The following ZEB1 variants were observed in gnomAD, a reference collection of about 807,000 sequenced individuals.
ZEB1 encodes zinc finger E-box binding homeobox 1.
ZEB1 carries 21 observed loss-of-function variants against 84.9 expected under a neutral mutation model. The observed-to-expected ratio is 0.25, with a 90% CI of 0.18 to 0.36. The LOEUF (loss-of-function observed/expected upper bound fraction) is 0.36, where lower values mean the gene tolerates loss of function less well. Among genes scored for constraint, ZEB1 ranks in the 10% least tolerant of loss-of-function variants. The probability of loss-of-function intolerance (pLI) is 1.00; values close to 1 mark genes in which losing one functional copy is unlikely to be tolerated. For missense variants in ZEB1, 1,104 were observed against 1,330.2 expected, an observed-to-expected ratio of 0.83 and a Z score of 2.65; for synonymous variants, 420 against 471.1, an observed-to-expected ratio of 0.89 and a Z score of 1.41.
chr10:31,520,446 C>T lies in ZEB1; in HGVS notation c.1114C>T (p.Gln372Ter). ...AGGAATCAACTGTTCAACCCCTTTACAAAATGGGGTTTTCACTGGTGGTGG... is the reference window on the plus strand; with the variant it reads ...AGGAATCAACTGTTCAACCCCTTTATAAAATGGGGTTTTCACTGGTGGTGG... ...ASGINCSTPL[Q>*]NGVFTGGGPL... The change falls in exon 7 of 9, where the codon CAA (glutamine) becomes TAA (stop). Residue 372 changes from glutamine to a stop codon, truncating the protein, a stop_gained. Coordinates refer to ENST00000424869, the MANE Select transcript of ZEB1 (RefSeq NM_001174096.2). LOFTEE classifies it high-confidence loss of function. The surrounding 1 kb of genome is among the most constrained non-coding windows in gnomAD (Gnocchi z 5.1). The T allele has an allele frequency of 6.2e-7, 1 of 1,614,040 alleles. No homozygotes were observed. Among genetic ancestry groups the T allele is most frequent in the South Asian group, 1.1e-5 (1 of 91,088 alleles).
chr10:31,349,128 T>C lies in ZEB1; in HGVS notation c.58+29836T>C, dbSNP rs954806590. On this transcript the variant is annotated intron_variant, in intron 1 of 8. Coordinates refer to ENST00000424869, the MANE Select transcript of ZEB1 (RefSeq NM_001174096.2). ...ACCATTCTACTCTCTGCTTCCATGA[T>C]TTAGACTGTTTTAGATTCCACGTAT... 9.2e-5 allele frequency among the ~76,000 whole-genome samples: 14 copies of C among 152,310 alleles called. No homozygotes were observed. The East Asian group carries it at 1.7e-3, about 19-fold the overall frequency.
intron 1 of ZEB1, among the ~76,000 whole-genome samples, chr10:31,439,092 G>A (rs530123631): frequency 2.6e-5 from 4 of 152,024 alleles, no homozygotes; most frequent in Admixed American, 6.5e-5. Context: ...CACTCCTTTG[G>A]TACCTGATTT....
At chr10:31,336,249 C>G (rs868795628) in intron 1 of ZEB1, among the ~76,000 whole-genome samples, 1 of 152,090 alleles carries the variant, frequency 6.6e-6, no homozygotes, top group Admixed American at 6.5e-5. Flanking sequence ...TAGCAAGATA[C>G]TCATTCATGA....
Position 31,527,351 on chromosome 10 carries a change from G to T in ZEB1, c.*87G>T. 2 of 1,522,336 alleles carry T rather than the reference G, an allele frequency of 1.3e-6. No homozygotes were observed. Among genetic ancestry groups the T allele is most frequent in the South Asian group, 1.2e-5 (1 of 82,862 alleles). The allele number at this position is 1,522,336 out of a possible 1,614,324, so 94.3% of individuals were successfully genotyped here. A position where few individuals can be genotyped will look rare whatever the true frequency, so the allele number is the denominator to read the frequency against. ...GCTTTTCATGGAAACACAGTAACCT[G>T]TATGCTGTGATTCCTGTTCACTACT... On this transcript the variant is annotated 3_prime_UTR_variant, in exon 9 of 9. Transcript: ENST00000424869.
At chr10:31,363,375 G>A in intron 1 of ZEB1, 1 of 1,534,404 alleles carries the variant, frequency 6.5e-7, no homozygotes, top group East Asian at 2.4e-5. Context: ...CATGCACCTG[G>A]GCCTTGTCAG....
chr10:31,503,350 A>G (rs2068434692), intron 4 of ZEB1, among the ~76,000 whole-genome samples: 1 of 152,172 alleles, frequency 6.6e-6, no homozygotes, highest in Admixed American at 6.5e-5. Context: ...ATGTAATTTA[A>G]TTAAATGCTA....
chr10:31,492,462 A>T (rs2066668566), intron 2 of ZEB1, among the ~76,000 whole-genome samples: 1 of 151,874 alleles, frequency 6.6e-6, no homozygotes. Context: ...GCATTTTGAC[A>T]TGATATTTTC....
chr10:31,524,233 A>G, intron 8 of ZEB1, 120 bp downstream of exon 8: 1 of 1,130,622 alleles, frequency 8.8e-7, no homozygotes, highest in Non-Finnish European at 1.2e-6. Flanking sequence ...GTTTTGAGAC[A>G]AGGTCTGGCT....
At chr10:31,465,783 T>TAA (rs111808330) in intron 2 of ZEB1, among the ~76,000 whole-genome samples, 4 of 134,788 alleles carry the variant, frequency 3.0e-5, no homozygotes, top group African/African-American at 8.7e-5. Flanking sequence ...GTGGCTAATT[T>TAA]AAAAAAAAAA....
chr10:31,521,066 T>A lies in ZEB1; in HGVS notation c.1734T>A (p.Thr578=), dbSNP rs1481633281. 1.9e-6 allele frequency: 3 copies of A among 1,613,998 alleles called. No homozygotes were observed. The highest frequency in any genetic ancestry group is 2.5e-6 in the Non-Finnish European group (3 of 1,180,018). Residue 578 remains threonine (T), a synonymous_variant, in exon 7 of 9, where the codon ACT becomes ACA. Coordinates refer to ENST00000424869, the MANE Select transcript of ZEB1 (RefSeq NM_001174096.2). ...EKPESSVSSA[T]GDGNLSPSQP... The stretch of plus-strand genomic sequence containing the variant: ...CTGAGTCCTCTGTTTCATCAGCTAC[T>A]GGAGATGGCAATTTGTCTCCTAGTC...
intron 6 of ZEB1, among the ~76,000 whole-genome samples, chr10:31,516,995 C>T (rs910819605): frequency 1.3e-5 from 2 of 151,960 alleles, no homozygotes; most frequent in Non-Finnish European, 2.9e-5. Context: ...ATTTATTATA[C>T]CAAGACTTTG....
At chr10:31,337,531 T>C (rs1167916921) in intron 1 of ZEB1, among the ~76,000 whole-genome samples, 1 of 152,052 alleles carries the variant, frequency 6.6e-6, no homozygotes, top group African/African-American at 2.4e-5. Context: ...TGAATGATTT[T>C]TGGGGGAACT....
rs372784079 is a variant in ZEB1 at position 31,490,756 on chromosome 10, A to G, written c.260-5020A>G. Among the ~76,000 whole-genome samples, 10 of 151,872 alleles carry G rather than the reference A, an allele frequency of 6.6e-5. No homozygotes were observed. In the South Asian group the frequency reaches 1.5e-3, roughly 22 times the overall value. ...CACATGCCAAGTAATTTGAGATTAT[A>G]TTCTGGATATTTCAAGTATTATGTT... On this transcript the variant is annotated intron_variant, in intron 2 of 8. Transcript: ENST00000424869.
intron 2 of ZEB1, among the ~76,000 whole-genome samples, chr10:31,475,156 C>T (rs2063922462): frequency 6.6e-6 from 1 of 150,720 alleles, no homozygotes; most frequent in Non-Finnish European, 1.5e-5. Flanking sequence ...CACATGTATA[C>T]ATATGTAACT....
chr10:31,435,019 A>T (rs2058122131), intron 1 of ZEB1, among the ~76,000 whole-genome samples: 1 of 152,186 alleles, frequency 6.6e-6, no homozygotes, highest in African/African-American at 2.4e-5. Context: ...AAACCTGTGA[A>T]TATGTTACAT....
intron 1 of ZEB1, among the ~76,000 whole-genome samples, chr10:31,436,863 A>T (rs749066506): frequency 3.9e-5 from 6 of 152,078 alleles, no homozygotes; most frequent in Admixed American, 2.0e-4. Flanking sequence ...AAGAATGTCC[A>T]CTTCTTTCAT....
At position 31,443,730 on chromosome 10, in the gene ZEB1, A is replaced by G. The variant is rs1328313769; in HGVS notation, c.59-17307A>G. 2.7e-5 allele frequency among the ~76,000 whole-genome samples: 4 copies of G among 150,104 alleles called. 1 individual carries two copies. In the South Asian group the frequency reaches 8.3e-4, roughly 31 times the overall value. Reference sequence around the variant, plus strand: ...TTCCAATTTCATCCATGTCCTTACAAAGGACATGAACTCATCATTTTTTAT... The same window carrying G: ...TTCCAATTTCATCCATGTCCTTACAGAGGACATGAACTCATCATTTTTTAT... On this transcript the variant is annotated intron_variant, in intron 1 of 8. Transcript: ENST00000424869.
At chr10:31,519,487 C>G (rs1179846254) in intron 6 of ZEB1, among the ~76,000 whole-genome samples, 1 of 152,138 alleles carries the variant, frequency 6.6e-6, no homozygotes, top group East Asian at 1.9e-4. Flanking sequence ...ATCATATCCA[C>G]TGTCACTAAA....
At position 31,450,213 on chromosome 10, in the gene ZEB1, T is replaced by C. The variant is rs368299533; in HGVS notation, c.59-10824T>C. 2.5e-4 allele frequency among the ~76,000 whole-genome samples: 38 copies of C among 152,364 alleles called. 1 individual carries two copies. The highest frequency in any genetic ancestry group is 8.2e-4 in the African/African-American group (34 of 41,582). ...TCTATTCAAAACCAAGATATAGCTT[T>C]TCATTTATTCAAATATTTGATGACT... On this transcript the variant is annotated intron_variant, in intron 1 of 8. Transcript: ENST00000424869.
Sources: allele counts gnomAD v4.1 joint callset (sites outside exome capture counted in the v4.1 genomes callset), GRCh38; gene constraint gnomAD v4.1.1; non-coding constraint Gnocchi (gnomAD v3.1); transcripts MANE v1.5; gene names NCBI Gene and HGNC (gene_info 2026-07-23, HGNC 2026-07-21).